Variants in SEC14L5 observed in about 807,000 individuals in gnomAD.
The protein encoded by SEC14L5 is SEC14-like protein 5.
SEC14L5 carries 96 observed loss-of-function variants against 84.6 expected under a neutral mutation model. The ratio of observed to expected loss-of-function variants is 1.13; its 90% CI spans 0.96 to 1.34. SEC14L5 has a LOEUF of 1.34. SEC14L5 is among the 40% of genes most tolerant of loss of function. The pLI is 0.00. For missense variants in SEC14L5, 1,224 were observed against 942.5 expected (o/e 1.30, Z -3.91); for synonymous variants, 546 against 383.4 (o/e 1.42, Z -4.95).
intron 14 of SEC14L5, among the ~76,000 whole-genome samples, chr16:5,010,232 C>T (rs1036990300): frequency 7.1e-5 from 9 of 127,346 alleles, no homozygotes; most frequent in Middle Eastern, 5.2e-3. Context: ...GGTGTGGTGG[C>T]GGGTGCCTGT....
chr16:5,012,166 G>C (rs922186776), intron 15 of SEC14L5, among the ~76,000 whole-genome samples: 1 of 152,180 alleles, frequency 6.6e-6, no homozygotes, highest in African/African-American at 2.4e-5. Context: ...TAGTTTGTCA[G>C]GGGGCTGGCG....
intron 11 of SEC14L5, among the ~76,000 whole-genome samples, chr16:5,005,300 G>A (rs1199683884): frequency 1.3e-5 from 2 of 151,926 alleles, no homozygotes; most frequent in African/African-American, 2.4e-5. Flanking sequence ...GGGAGACAGA[G>A]CGAGACTCTG....
chr16:5,013,754 C>T (rs982092903), intron 15 of SEC14L5, among the ~76,000 whole-genome samples: 17 of 152,018 alleles, frequency 1.1e-4, no homozygotes, highest in African/African-American at 2.7e-4. Context: ...AGACAGGTTT[C>T]GCCATGTTAG....
chr16:5,011,513 G>A (rs1955804067), intron 15 of SEC14L5, among the ~76,000 whole-genome samples: 1 of 152,256 alleles, frequency 6.6e-6, no homozygotes, highest in Non-Finnish European at 1.5e-5. Flanking sequence ...ACCTTGGGCA[G>A]AAGCTCAACT....
Position 5,017,399 on chromosome 16 carries a change from C to G in SEC14L5, c.*2429C>G, listed in dbSNP as rs968285169. On this transcript the variant is annotated 3_prime_UTR_variant, in exon 16 of 16. Transcript: ENST00000251170. ...GCTGGATCCAGGAGCTTAATGTCCTCAGGCCTCTCAACTGCACCCAGGCCT... is the reference window on the plus strand; with the variant it reads ...GCTGGATCCAGGAGCTTAATGTCCTGAGGCCTCTCAACTGCACCCAGGCCT... 6.6e-6 allele frequency: 1 copy of G among 152,316 alleles called. No homozygotes were observed. Among genetic ancestry groups the G allele is most frequent in the Non-Finnish European group, 1.5e-5 (1 of 68,098 alleles). The allele number at this position is 152,316 out of a possible 1,614,324, so 9.4% of individuals were successfully genotyped here. A position where few individuals can be genotyped will look rare whatever the true frequency, so the allele number is the denominator to read the frequency against.
chr16:4,996,064 A>G (rs1384368481), intron 6 of SEC14L5, among the ~76,000 whole-genome samples: 1 of 152,162 alleles, frequency 6.6e-6, no homozygotes, highest in African/African-American at 2.4e-5. Flanking sequence ...ACATCCCCAG[A>G]GGGTGGGAAT....
intron 10 of SEC14L5, 102 bp downstream of exon 10, chr16:5,001,027 G>T: frequency 2.2e-6 from 2 of 905,022 alleles, no homozygotes; most frequent in Non-Finnish European, 3.5e-6. Flanking sequence ...CGTGCCAGGG[G>T]CTTCATTCTC....
chr16:5,018,969 G>A lies in SEC14L5; in HGVS notation c.*3999G>A, dbSNP rs1233246934. ...CAGCAGCATTAAATGTTTTCCATTT[G>A]GATAAACTTGCATCGTCAGCTTCCT... On this transcript the variant is annotated 3_prime_UTR_variant, in exon 16 of 16. Coordinates refer to ENST00000251170, the MANE Select transcript of SEC14L5 (RefSeq NM_014692.2). 6.6e-6 allele frequency: 1 copy of A among 152,146 alleles called. No homozygotes were observed. Among genetic ancestry groups the A allele is most frequent in the Admixed American group, 6.6e-5 (1 of 15,266 alleles). 9.4% of individuals were successfully genotyped at this position (152,146 alleles called of 1,614,324 possible).
At chr16:5,006,576 A>C (rs974861906) in intron 12 of SEC14L5, among the ~76,000 whole-genome samples, 1 of 152,166 alleles carries the variant, frequency 6.6e-6, no homozygotes. Flanking sequence ...ATCCTAGGTC[A>C]CAACTCTGTC....
chr16:5,015,999 T>G lies in SEC14L5; in HGVS notation c.*1029T>G, dbSNP rs1014277269. ...AGGGAACTGTTTAATTATGACTGTT[T>G]TTGGTTGTAAGCCACAGAGACCCAT... On this transcript the variant is annotated 3_prime_UTR_variant, in exon 16 of 16. Coordinates refer to ENST00000251170, the MANE Select transcript of SEC14L5 (RefSeq NM_014692.2). 2.0e-5 allele frequency: 3 copies of G among 152,176 alleles called. No individual in the cohort carries two copies. Among genetic ancestry groups the G allele is most frequent in the Admixed American group, 6.5e-5 (1 of 15,286 alleles). The allele number at this position is 152,176 out of a possible 1,614,324, so 9.4% of individuals were successfully genotyped here. A position where few individuals can be genotyped will look rare whatever the true frequency, so the allele number is the denominator to read the frequency against.
intron 2 of SEC14L5, among the ~76,000 whole-genome samples, chr16:4,962,089 G>A (rs965674446): frequency 1.4e-5 from 2 of 147,842 alleles, no homozygotes; most frequent in African/African-American, 5.0e-5. Context: ...GGGGCTGGGT[G>A]CTTATTCATA....
In SEC14L5 at chr16:5,012,091, C is replaced by T. The variant is rs868845279; in HGVS notation, c.1979+818C>T. Among the ~76,000 whole-genome samples the T allele has an allele frequency of 3.3e-5, 5 of 152,212 alleles. No individual in the cohort carries two copies. In the South Asian group the frequency reaches 8.3e-4, roughly 25 times the overall value. On this transcript the variant is annotated intron_variant, in intron 15 of 15. Transcript: ENST00000251170. The stretch of plus-strand genomic sequence containing the variant: ...AATTCCAGGTGGAGCTCCAAGGATC[C>T]CAGGAGCATGGGCACCCAGAGTGAA...
chr16:4,966,999 G>T (rs537705722), intron 2 of SEC14L5, among the ~76,000 whole-genome samples: 2 of 152,310 alleles, frequency 1.3e-5, no homozygotes, highest in African/African-American at 4.8e-5. Flanking sequence ...TCAGAGGCAG[G>T]TCCATTATAG....
chr16:5,008,351 G>C, intron 13 of SEC14L5, 70 bp from the exon 14 acceptor site: 1 of 1,150,618 alleles, frequency 8.7e-7, no homozygotes, highest in Non-Finnish European at 1.3e-6. Flanking sequence ...AGCCCCTCCT[G>C]CCACTGTGTT....
At chr16:4,998,101 G>T (rs1021849810) in intron 8 of SEC14L5, among the ~76,000 whole-genome samples, 47 of 150,490 alleles carry the variant, frequency 3.1e-4, no homozygotes, top group Non-Finnish European at 5.9e-5. Flanking sequence ...CCCCCGCCAG[G>T]TTCAAGCGAT....
intron 1 of SEC14L5, among the ~76,000 whole-genome samples, chr16:4,958,716 G>A (rs905414137): frequency 5.9e-5 from 9 of 152,236 alleles, no homozygotes; most frequent in African/African-American, 2.2e-4. Flanking sequence ...GTGTTTCAGG[G>A]TGTGTGTGCA....
At chr16:4,995,968 C>T (rs1955604279) in intron 6 of SEC14L5, among the ~76,000 whole-genome samples, 1 of 152,128 alleles carries the variant, frequency 6.6e-6, no homozygotes, top group African/African-American at 2.4e-5. Context: ...ACGCCTGCCT[C>T]ACAGGGGTGT....
chr16:4,965,390 G>A (rs557356630), intron 2 of SEC14L5, among the ~76,000 whole-genome samples: 6 of 152,066 alleles, frequency 3.9e-5, no homozygotes, highest in South Asian at 2.1e-4. Context: ...GGCCAGGCGC[G>A]GTGGCTCACG....
intron 5 of SEC14L5, 113 bp from the exon 6 acceptor site, chr16:4,991,725 C>T: frequency 1.7e-6 from 1 of 605,626 alleles, no homozygotes; most frequent in Non-Finnish European, 2.8e-6. Flanking sequence ...CACTCAATAG[C>T]CACGTGTCGG....
Sources: gnomAD v4.1 joint callset for allele counts (sites outside exome capture counted in the v4.1 genomes callset) on GRCh38, gnomAD v4.1.1 for gene constraint, MANE v1.5 for transcripts, NCBI Gene and HGNC (gene_info 2026-07-23, HGNC 2026-07-21) for gene names.